The following DTL variants were observed in gnomAD, a reference collection of about 807,000 sequenced individuals.
DTL encodes denticleless E3 ubiquitin protein ligase adapter, also known as denticleless protein homolog.
Under a neutral mutation model 87.0 loss-of-function variants are expected in DTL, and 46 were observed. That is an observed-to-expected ratio of 0.53 (90% CI 0.42 to 0.68). DTL has a LOEUF of 0.68. Ranked by LOEUF, DTL falls within the 30% of genes least tolerant of loss-of-function variation. DTL has a pLI of 0.00. For missense variants in DTL, 737 were observed against 869.4 expected, an observed-to-expected ratio of 0.85 and a Z score of 1.91; for synonymous variants, 308 against 311.2, an observed-to-expected ratio of 0.99 and a Z score of 0.11.
intron 6 of DTL, among the ~76,000 whole-genome samples, chr1:212,063,832 A>G (rs1429223608): frequency 6.6e-6 from 1 of 152,028 alleles, no homozygotes; most frequent in Non-Finnish European, 1.5e-5. Flanking sequence ...CATCACCTCA[A>G]ACATTTATCT....
intron 7 of DTL, among the ~76,000 whole-genome samples, chr1:212,066,323 C>G (rs1558080102): frequency 6.6e-6 from 1 of 152,114 alleles, no homozygotes; most frequent in Non-Finnish European, 1.5e-5. Flanking sequence ...GACATTTAAT[C>G]TGGTTCTGAG....
intron 13 of DTL, among the ~76,000 whole-genome samples, chr1:212,086,240 G>A (rs1370135016): frequency 6.6e-6 from 1 of 152,092 alleles, no homozygotes; most frequent in Non-Finnish European, 1.5e-5. Flanking sequence ...TCTGGTCCAT[G>A]AACTTGGATG....
intron 5 of DTL, among the ~76,000 whole-genome samples, chr1:212,053,240 T>C (rs910453355): frequency 6.6e-6 from 1 of 152,178 alleles, no homozygotes; most frequent in African/African-American, 2.4e-5. Context: ...TTTTTTTTAA[T>C]TTCAGATACT....
rs117182192 is a variant in DTL, at chr1:212,048,613, C to G, written c.460+1196C>G. ...ATAACACAGCACAGTACTGTAGCAGCTAGGGAAAAACTTATCAGTGGTGTC... is the reference window on the plus strand; with the variant it reads ...ATAACACAGCACAGTACTGTAGCAGGTAGGGAAAAACTTATCAGTGGTGTC... On this transcript the variant is annotated intron_variant, in intron 5 of 14. Transcript: ENST00000366991. 1.4e-3 allele frequency among the ~76,000 whole-genome samples: 220 copies of G among 152,276 alleles called. 1 individual carries two copies. The East Asian group carries it at 0.022, about 15-fold the overall frequency.
chr1:212,046,924 C>G (rs1335244933), intron 3 of DTL, among the ~76,000 whole-genome samples: 1 of 152,176 alleles, frequency 6.6e-6, no homozygotes, highest in Non-Finnish European at 1.5e-5. Context: ...AAAACTGTTG[C>G]TATCTCTCCG....
chr1:212,049,829 AT>A (rs1175026421), intron 5 of DTL, among the ~76,000 whole-genome samples: 1 of 151,932 alleles, frequency 6.6e-6, no homozygotes, highest in Non-Finnish European at 1.5e-5. Context: ...TACCTAGTCT[AT>A]TTAGGTCACA....
At chr1:212,084,760 C>G (rs757795509) in intron 13 of DTL, among the ~76,000 whole-genome samples, 65 of 152,176 alleles carry the variant, frequency 4.3e-4, no homozygotes, top group Admixed American at 3.9e-4. Context: ...TGTGTCCCAC[C>G]ACTATCAAAC....
At chr1:212,095,109 G>T (rs943721083) in intron 13 of DTL, among the ~76,000 whole-genome samples, 1 of 152,064 alleles carries the variant, frequency 6.6e-6, no homozygotes, top group Admixed American at 6.5e-5. Flanking sequence ...ACTGTGGCTG[G>T]CTAGGGCTTC....
At chr1:212,063,544 G>T (rs1204853468) in intron 6 of DTL, among the ~76,000 whole-genome samples, 1 of 151,956 alleles carries the variant, frequency 6.6e-6, no homozygotes, top group Admixed American at 6.6e-5. Context: ...GCCCACCCTG[G>T]CCTCCCAAAG....
At chr1:212,068,421 C>T (rs1392042840) in intron 9 of DTL, 94 bp downstream of exon 9, 1 of 924,892 alleles carries the variant, frequency 1.1e-6, no homozygotes, top group Non-Finnish European at 1.6e-6. Context: ...ATGAAAAATT[C>T]TAATATGTGA....
intron 1 of DTL, among the ~76,000 whole-genome samples, chr1:212,036,973 T>G (rs142348642): frequency 5.9e-5 from 9 of 152,312 alleles, no homozygotes; most frequent in African/African-American, 2.2e-4. Context: ...GTCTGAAACT[T>G]TATACCATCC....
At chr1:212,036,241 A>C (rs1667453126) in intron 1 of DTL, among the ~76,000 whole-genome samples, 1 of 152,114 alleles carries the variant, frequency 6.6e-6, no homozygotes, top group Non-Finnish European at 1.5e-5. Context: ...AAATGCATGC[A>C]TTTGTGTGTA....
At chr1:212,067,024 T>G (rs887659635) in intron 8 of DTL, 139 bp downstream of exon 8, 1 of 680,222 alleles carries the variant, frequency 1.5e-6, no homozygotes, top group Non-Finnish European at 2.5e-6. Context: ...GGAAAGGAGC[T>G]ATAGATCACA....
chr1:212,057,189 A>G (rs1295406446), intron 5 of DTL, among the ~76,000 whole-genome samples: 1 of 152,044 alleles, frequency 6.6e-6, no homozygotes, highest in Non-Finnish European at 1.5e-5. Flanking sequence ...TTTTTTTTCC[A>G]TGGCACATTG....
chr1:212,093,208 G>A (rs1655338415), intron 13 of DTL, among the ~76,000 whole-genome samples: 1 of 152,098 alleles, frequency 6.6e-6, no homozygotes, highest in Admixed American at 6.6e-5. Flanking sequence ...GACCTCTACG[G>A]GAGCATACAG....
chr1:212,086,473 C>T (rs1203210717), intron 13 of DTL, among the ~76,000 whole-genome samples: 3 of 152,170 alleles, frequency 2.0e-5, no homozygotes, highest in Admixed American at 1.3e-4. Flanking sequence ...GTACTGAATA[C>T]GCATTTGATT....
At chr1:212,057,062 G>A (rs564907655) in intron 5 of DTL, among the ~76,000 whole-genome samples, 2 of 152,210 alleles carry the variant, frequency 1.3e-5, no homozygotes, top group East Asian at 3.9e-4. Flanking sequence ...TAAAATGAAA[G>A]GGTTAGAAAG....
chr1:212,044,628 T>TGG, intron 2 of DTL, 32 bp from the exon 3 acceptor site: 5 of 1,279,720 alleles, frequency 3.9e-6, no homozygotes, highest in Non-Finnish European at 5.4e-6. Flanking sequence ...ATTGTGTTAC[T>TGG]CTATATATTT....
At chr1:212,076,556 TA>T (rs11300797) in intron 11 of DTL, among the ~76,000 whole-genome samples, 147,145 of 152,216 alleles carry the variant, frequency 0.97, 71,129 homozygotes, top group East Asian at 1. Context: ...ATCATGAAAT[TA>T]AAAAGCTATA....
Sources: allele counts gnomAD v4.1 joint callset (sites outside exome capture counted in the v4.1 genomes callset), GRCh38; gene constraint gnomAD v4.1.1; transcripts MANE v1.5; gene names NCBI Gene and HGNC (gene_info 2026-07-23, HGNC 2026-07-21).